The following LURAP1L variants were observed in gnomAD, a reference collection of about 807,000 sequenced individuals.
LURAP1L encodes leucine rich adaptor protein 1 like, also known as leucine rich adaptor protein 1-like.
Under a neutral mutation model 13.8 loss-of-function variants are expected in LURAP1L, and 12 were observed. The ratio of observed to expected loss-of-function variants is 0.87; its 90% CI spans 0.56 to 1.41. LURAP1L has a LOEUF of 1.41. LURAP1L is among the 40% of genes most tolerant of loss of function. The pLI is 0.00. For missense variants in LURAP1L, 375 were observed against 292.9 expected (o/e 1.28, Z -2.04); for synonymous variants, 139 against 119.2 (o/e 1.17, Z -1.08).
At position 12,821,482 on chromosome 9, in the gene LURAP1L, A is replaced by G. The variant is rs141879147; in HGVS notation, c.409A>G (p.Thr137Ala). The G allele has an allele frequency of 1.8e-4, 287 of 1,614,168 alleles. No individual in the cohort carries two copies. The highest frequency in any genetic ancestry group is 6.6e-4 in the Middle Eastern group (4 of 6,062). ...CAAGTGGATGATCGAAGAAAAAGCCACCATTACCAGCAGAGGCAGCAGCCT... is the reference window on the plus strand; with the variant it reads ...CAAGTGGATGATCGAAGAAAAAGCCGCCATTACCAGCAGAGGCAGCAGCCT... ...SIKWMIEEKA[T>A]ITSRGSSLSG... Residue 137 changes from threonine (T) to alanine (A), a missense_variant, in exon 2 of 2, where the codon ACC becomes GCC. Coordinates refer to ENST00000319264, the MANE Select transcript of LURAP1L (RefSeq NM_203403.2).
chr9:12,775,593 G>A lies in LURAP1L; in HGVS notation c.-123G>A, dbSNP rs1249132099. 1.1e-5 allele frequency: 16 copies of A among 1,425,544 alleles called. No homozygotes were observed. In the South Asian group the frequency reaches 2.3e-4, roughly 21 times the overall value. 88.3% of individuals were successfully genotyped at this position (1,425,544 alleles called of 1,614,324 possible). A position where few individuals can be genotyped will look rare whatever the true frequency, so the allele number is the denominator to read the frequency against. Reference sequence around the variant, plus strand: ...CGGTTATGGAAAGGACGGTACACCGGAGCGGCGGAGGATAGAGACCCTGGC... The same window carrying A: ...CGGTTATGGAAAGGACGGTACACCGAAGCGGCGGAGGATAGAGACCCTGGC... On this transcript the variant is annotated 5_prime_UTR_variant, in exon 1 of 2. Coordinates refer to ENST00000319264, the MANE Select transcript of LURAP1L (RefSeq NM_203403.2).
At chr9:12,795,192 G>A (rs1819496778) in intron 1 of LURAP1L, among the ~76,000 whole-genome samples, 1 of 151,772 alleles carries the variant, frequency 6.6e-6, no homozygotes, top group Admixed American at 6.6e-5. Context: ...CTTTTGCCTG[G>A]ATCTTTCTTC....
intron 1 of LURAP1L, among the ~76,000 whole-genome samples, chr9:12,816,195 T>C (rs1287337898): frequency 1.3e-5 from 2 of 152,226 alleles, no homozygotes; most frequent in South Asian, 2.1e-4. Context: ...TGAAATGTTA[T>C]AAGACGTTAT....
intron 1 of LURAP1L, chr9:12,814,215 A>G (rs980980019): frequency 6.6e-6 from 1 of 152,200 alleles, no homozygotes; most frequent in African/African-American, 2.4e-5. Context: ...GGAGGAGCAC[A>G]TTAACATGCC....
chr9:12,776,179 G>A, intron 1 of LURAP1L, 152 bp downstream of exon 1: 1 of 804,164 alleles, frequency 1.2e-6, no homozygotes, highest in South Asian at 1.6e-5. Context: ...TGAGCAGGGG[G>A]CGCTCATCCG....
intron 1 of LURAP1L, among the ~76,000 whole-genome samples, chr9:12,793,157 G>C (rs963053968): frequency 6.6e-6 from 1 of 151,882 alleles, no homozygotes; most frequent in Non-Finnish European, 1.5e-5. Flanking sequence ...CCCCTACTCT[G>C]TCTCATCCCC....
chr9:12,802,753 C>T (rs1241372496), intron 1 of LURAP1L, among the ~76,000 whole-genome samples: 4 of 152,092 alleles, frequency 2.6e-5, no homozygotes, highest in African/African-American at 4.8e-5. Context: ...TGAACTGTCA[C>T]GGCATCTCTC....
At chr9:12,810,127 A>T (rs942318836) in intron 1 of LURAP1L, among the ~76,000 whole-genome samples, 3 of 152,150 alleles carry the variant, frequency 2.0e-5, no homozygotes, top group Non-Finnish European at 1.5e-5. Context: ...AGAGGTCTGG[A>T]TGTATTTCAG....
At position 12,821,901 on chromosome 9, in the gene LURAP1L, G is replaced by A; in HGVS notation, c.*141G>A. On this transcript the variant is annotated 3_prime_UTR_variant, in exon 2 of 2. Coordinates refer to ENST00000319264, the MANE Select transcript of LURAP1L (RefSeq NM_203403.2). ...GATTTTGAAACTGCTTAATGGTATTGCTGTTGCTCCTAATACTTCTCATCT... is the reference window on the plus strand; with the variant it reads ...GATTTTGAAACTGCTTAATGGTATTACTGTTGCTCCTAATACTTCTCATCT... The A allele has an allele frequency of 1.1e-6, 1 of 942,638 alleles. No individual in the cohort carries two copies. Among genetic ancestry groups the A allele is most frequent in the South Asian group, 1.7e-5 (1 of 58,856 alleles). The allele number at this position is 942,638 out of a possible 1,614,324, so 58.4% of individuals were successfully genotyped here.
chr9:12,810,558 A>C (rs1819723031), intron 1 of LURAP1L, among the ~76,000 whole-genome samples: 1 of 152,184 alleles, frequency 6.6e-6, no homozygotes, highest in South Asian at 2.1e-4. Context: ...CAGCTTATTC[A>C]CCGATTTGTT....
intron 1 of LURAP1L, among the ~76,000 whole-genome samples, chr9:12,820,755 C>T (rs1161241312): frequency 6.6e-6 from 1 of 152,164 alleles, no homozygotes; most frequent in Non-Finnish European, 1.5e-5. Flanking sequence ...TTATTCAGCA[C>T]TGTCTATGTT....
chr9:12,821,636 A>AAGTTATC lies in LURAP1L; in HGVS notation c.563_564insAGTTATC (p.Asp188GlufsTer4). ...GGAAGTTATCTGGACACGTTGGCGG[A>AAGTTATC]TGATGTCCCAGGCCATCAGACCCCT... On this transcript the variant is annotated frameshift_variant, in exon 2 of 2. Transcript: ENST00000319264. LOFTEE classifies it high-confidence loss of function. 6.2e-7 allele frequency: 1 copy of AAGTTATC among 1,614,162 alleles called. No individual in the cohort carries two copies. Among genetic ancestry groups the AAGTTATC allele is most frequent in the African/African-American group, 1.3e-5 (1 of 75,050 alleles).
At chr9:12,817,863 G>A (rs1210238987) in intron 1 of LURAP1L, among the ~76,000 whole-genome samples, 6 of 152,176 alleles carry the variant, frequency 3.9e-5, no homozygotes, top group Admixed American at 3.9e-4. Flanking sequence ...CTGCACCTTG[G>A]TGCTTGGAGA....
chr9:12,786,758 T>C (rs1023650792), intron 1 of LURAP1L, among the ~76,000 whole-genome samples: 2 of 151,446 alleles, frequency 1.3e-5, no homozygotes, highest in African/African-American at 2.4e-5. Flanking sequence ...ATCTCTCAAA[T>C]AGGCTCTTAT....
At chr9:12,785,978 C>T (rs1312110490) in intron 1 of LURAP1L, among the ~76,000 whole-genome samples, 1 of 152,024 alleles carries the variant, frequency 6.6e-6, no homozygotes, top group Non-Finnish European at 1.5e-5. Context: ...CATGTCTTTG[C>T]CTGCATATAT....
At chr9:12,814,769 G>A (rs977148546) in intron 1 of LURAP1L, among the ~76,000 whole-genome samples, 5 of 152,184 alleles carry the variant, frequency 3.3e-5, no homozygotes, top group African/African-American at 1.2e-4. Context: ...TTTTATGTAT[G>A]TAATTTAGTC....
intron 1 of LURAP1L, among the ~76,000 whole-genome samples, chr9:12,791,297 T>C (rs1186061685): frequency 2.0e-5 from 3 of 152,132 alleles, no homozygotes; most frequent in Admixed American, 1.3e-4. Flanking sequence ...GGCTACCACA[T>C]ATTCTAGTGT....
intron 1 of LURAP1L, among the ~76,000 whole-genome samples, chr9:12,778,667 C>T (rs1185730723): frequency 6.6e-6 from 1 of 152,214 alleles, no homozygotes; most frequent in Admixed American, 6.5e-5. Flanking sequence ...TGTTTCCAAA[C>T]AAACTAACGC....
intron 1 of LURAP1L, among the ~76,000 whole-genome samples, chr9:12,799,375 AATAC>A (rs992754303): frequency 2.8e-4 from 42 of 152,206 alleles, no homozygotes; most frequent in Non-Finnish European, 7.3e-5. Flanking sequence ...TTTTCAGAGT[AATAC>A]ATATAATATC....
Sources: gnomAD v4.1 joint callset for allele counts (sites outside exome capture counted in the v4.1 genomes callset) on GRCh38, gnomAD v4.1.1 for gene constraint, MANE v1.5 for transcripts, NCBI Gene and HGNC (gene_info 2026-07-23, HGNC 2026-07-21) for gene names.